PCDH9: variants seen among roughly 807,000 people sequenced by gnomAD.
The protein encoded by PCDH9 is protocadherin 9.
A neutral mutation model predicts 70.6 loss-of-function variants in PCDH9; 24 were observed. That is an observed-to-expected ratio of 0.34 (90% CI 0.25 to 0.48). The LOEUF (loss-of-function observed/expected upper bound fraction) is 0.48. PCDH9 is among the 20% of genes least tolerant of loss of function. The pLI, the probability that PCDH9 is intolerant of heterozygous loss-of-function variation, is 0.99. For synonymous variants in PCDH9, 562 were observed against 558.5 expected (o/e 1.01, Z -0.09); for missense variants, 1,281 against 1,503.6 (o/e 0.85, Z 2.45).
At chr13:67,196,198 T>C (rs922793856) in intron 2 of PCDH9, among the ~76,000 whole-genome samples, 1 of 151,990 alleles carries the variant, frequency 6.6e-6, no homozygotes, top group East Asian at 1.9e-4. Context: ...TTAAAAATAA[T>C]CCACAAAGAA....
intron 4 of PCDH9, among the ~76,000 whole-genome samples, chr13:66,628,841 A>T (rs2077532991): frequency 6.6e-6 from 1 of 152,192 alleles, no homozygotes; most frequent in African/African-American, 2.4e-5. Flanking sequence ...TTTTTCCTGT[A>T]CTCAGATACT....
intron 3 of PCDH9, among the ~76,000 whole-genome samples, chr13:66,823,176 G>C (rs893502374): frequency 6.6e-6 from 1 of 151,848 alleles, no homozygotes; most frequent in Non-Finnish European, 1.5e-5. Flanking sequence ...GTACATATTA[G>C]AGAATTTATT....
chr13:66,956,411 G>T (rs1401317765), intron 2 of PCDH9, among the ~76,000 whole-genome samples: 1 of 152,132 alleles, frequency 6.6e-6, no homozygotes, highest in East Asian at 1.9e-4. Context: ...AAAAGGTGAG[G>T]TTATGTGATA....
chr13:67,226,905 G>A lies in PCDH9; in HGVS notation c.1536C>T (p.Ala512=). 6.2e-7 allele frequency: 1 copy of A among 1,614,168 alleles called. No homozygotes were observed. Among genetic ancestry groups the A allele is most frequent in the Non-Finnish European group, 8.5e-7 (1 of 1,180,012 alleles). ...ADIVYQLGPN[A]SFFDLDRKTG... ...TTTTTCGGTCCAGATCAAAGAAGGA[G>A]GCATTCGGTCCAAGCTGATAAACAA... is the stretch of plus-strand genomic sequence containing the variant. The change falls in exon 2 of 5, where the codon GCC becomes GCT. Residue 512 remains alanine (A), a synonymous_variant. Coordinates refer to ENST00000377865, the MANE Select transcript of PCDH9 (RefSeq NM_203487.3). The surrounding 1 kb of genome is among the most constrained non-coding windows in gnomAD (Gnocchi z 5.0).
intron 4 of PCDH9, among the ~76,000 whole-genome samples, chr13:66,418,025 T>C (rs903634177): frequency 2.0e-5 from 3 of 152,214 alleles, no homozygotes; most frequent in African/African-American, 7.2e-5. Context: ...ATCCCATTTG[T>C]CAATTTTGGC....
intron 3 of PCDH9, among the ~76,000 whole-genome samples, chr13:66,709,633 C>T (rs2078765274): frequency 6.6e-6 from 1 of 152,138 alleles, no homozygotes. Flanking sequence ...CTGAAAATGT[C>T]ACTGACAAAC....
At position 66,422,842 on chromosome 13, in the gene PCDH9, C is replaced by T. The variant is rs141664558; in HGVS notation, c.3341-117814G>A. On this transcript the variant is annotated intron_variant, in intron 4 of 4. Transcript: ENST00000377865. The stretch of plus-strand genomic sequence containing the variant: ...GAAGGAAACAGAGACACGAAAAACC[C>T]TTAAAAAAATATCAATGAATCCAGG... Among the ~76,000 whole-genome samples, 4 of 151,896 alleles carry T rather than the reference C, an allele frequency of 2.6e-5. No homozygotes were observed. In the East Asian group the frequency reaches 7.7e-4, roughly 29 times the overall value.
At chr13:66,775,984 C>T (rs761319350) in intron 3 of PCDH9, among the ~76,000 whole-genome samples, 4 of 152,070 alleles carry the variant, frequency 2.6e-5, no homozygotes, top group East Asian at 1.9e-4. Flanking sequence ...TGTTGGAGGC[C>T]CCATGCAACT....
chr13:66,501,685 T>C (rs1959177848), intron 4 of PCDH9, among the ~76,000 whole-genome samples: 2 of 152,004 alleles, frequency 1.3e-5, no homozygotes, highest in South Asian at 4.1e-4. Flanking sequence ...ATTAAGATAA[T>C]GAGATATCAA....
intron 2 of PCDH9, among the ~76,000 whole-genome samples, chr13:67,182,094 G>A (rs1389644796): frequency 1.3e-5 from 2 of 152,110 alleles, no homozygotes; most frequent in Non-Finnish European, 2.9e-5. Flanking sequence ...TCAAGTTTCA[G>A]GGCATTTAAA....
chr13:66,676,155 G>T (rs1273985614), intron 3 of PCDH9, among the ~76,000 whole-genome samples: 2 of 152,120 alleles, frequency 1.3e-5, no homozygotes, highest in African/African-American at 2.4e-5. Context: ...TTCACAGCAT[G>T]AAGATTCACA....
At chr13:66,683,186 T>C (rs1824106348) in intron 3 of PCDH9, among the ~76,000 whole-genome samples, 2 of 152,126 alleles carry the variant, frequency 1.3e-5, no homozygotes. Flanking sequence ...TAAAAGACTC[T>C]TCCCATTCAT....
intron 2 of PCDH9, among the ~76,000 whole-genome samples, chr13:67,148,115 C>T (rs1304011785): frequency 2.0e-5 from 3 of 152,018 alleles, no homozygotes; most frequent in African/African-American, 7.2e-5. Context: ...ATCTTTTTAA[C>T]ATACTTTAAG....
chr13:66,314,049 CA>C (rs1180071318), intron 4 of PCDH9, among the ~76,000 whole-genome samples: 1 of 152,170 alleles, frequency 6.6e-6, no homozygotes, highest in Non-Finnish European at 1.5e-5. Flanking sequence ...CAGTGCTTCT[CA>C]AATGTTAATA....
chr13:67,045,173 C>T lies in PCDH9; in HGVS notation c.3037-141568G>A, dbSNP rs747480669. ...TTACATTAGGAACACAACCCTTTAC[C>T]CAGCATCCTTATGTCATGGCCTATC... On this transcript the variant is annotated intron_variant, in intron 2 of 4. Transcript: ENST00000377865. Among the ~76,000 whole-genome samples, 57 of 152,030 alleles carry T rather than the reference C, an allele frequency of 3.7e-4. 1 individual carries two copies. The highest frequency in any genetic ancestry group is 7.6e-4 in the Non-Finnish European group (52 of 67,998).
rs139429747 is a variant in PCDH9 at position 66,497,179 on chromosome 13, T to C, written c.3340+134031A>G. Among the ~76,000 whole-genome samples the C allele has an allele frequency of 7.0e-3, 1,063 of 152,016 alleles. 35 individuals are homozygous for C. The East Asian group carries it at 0.091, about 13-fold the overall frequency. On this transcript the variant is annotated intron_variant, in intron 4 of 4. Coordinates refer to ENST00000377865, the MANE Select transcript of PCDH9 (RefSeq NM_203487.3). ...TCTCCCCCTGCTCAGGTGATCCTCT[T>C]TGCCTCAACTTCCCAAATAGCTGTG...
intron 4 of PCDH9, among the ~76,000 whole-genome samples, chr13:66,434,775 C>T (rs527482547): frequency 2.0e-5 from 3 of 151,916 alleles, no homozygotes; most frequent in Non-Finnish European, 2.9e-5. Flanking sequence ...TACATTCATT[C>T]ATAAAAACAT....
intron 2 of PCDH9, among the ~76,000 whole-genome samples, chr13:66,930,520 A>G (rs1470620273): frequency 6.6e-6 from 1 of 152,148 alleles, no homozygotes; most frequent in Non-Finnish European, 1.5e-5. Flanking sequence ...TTGAAGAAGT[A>G]TGAGCATGAA....
chr13:66,670,102 T>C (rs1376562771), intron 3 of PCDH9, among the ~76,000 whole-genome samples: 5 of 152,170 alleles, frequency 3.3e-5, no homozygotes, highest in Non-Finnish European at 7.4e-5. Flanking sequence ...ATTTTCCTTA[T>C]CAAATTCACC....
Sources: gnomAD v4.1 joint callset for allele counts (sites outside exome capture counted in the v4.1 genomes callset) on GRCh38, gnomAD v4.1.1 for gene constraint, Gnocchi (gnomAD v3.1) non-coding constraint, MANE v1.5 for transcripts, NCBI Gene and HGNC (gene_info 2026-07-23, HGNC 2026-07-21) for gene names.